The following TCF20 variants were observed in gnomAD, a reference collection of about 807,000 sequenced individuals.
TCF20 encodes the protein SPRE-binding protein.
A neutral mutation model predicts 148.6 loss-of-function variants in TCF20; 3 were observed. The ratio of observed to expected loss-of-function variants is 0.02; its 90% CI spans 0.01 to 0.05. The LOEUF (loss-of-function observed/expected upper bound fraction) is 0.05, where lower values mean the gene tolerates loss of function less well. Ranked by LOEUF, TCF20 falls within the 10% of genes least tolerant of loss-of-function variation. TCF20 has a pLI of 1.00. For synonymous variants in TCF20, 1,049 were observed against 909.5 expected (o/e 1.15, Z -2.76); for missense variants, 2,350 against 2,429.3 (o/e 0.97, Z 0.69).
At chr22:42,281,015 G>A (rs368241825) in intron 1 of TCF20, among the ~76,000 whole-genome samples, 6 of 152,184 alleles carry the variant, frequency 3.9e-5, no homozygotes, top group African/African-American at 9.6e-5. Flanking sequence ...TGCCATCTCC[G>A]TTGGGGATAG....
chr22:42,231,347 G>A (rs1056123946), intron 1 of TCF20, among the ~76,000 whole-genome samples: 1 of 152,060 alleles, frequency 6.6e-6, no homozygotes, highest in Admixed American at 6.6e-5. Flanking sequence ...AGCCAAGCAC[G>A]GTGGTATGCA....
At chr22:42,302,235 A>G (rs1927350066) in intron 1 of TCF20, among the ~76,000 whole-genome samples, 1 of 152,156 alleles carries the variant, frequency 6.6e-6, no homozygotes, top group African/African-American at 2.4e-5. Flanking sequence ...GGGCTCCCAC[A>G]ACAGTCAGGA....
rs531948678 is a variant in TCF20, at chr22:42,276,490, G to A, written c.-37+7337C>T. On this transcript the variant is annotated intron_variant, in intron 1 of 5. Transcript: ENST00000359486. Reference sequence around the variant, plus strand: ...TGCTGGCTCCCCACGGAGGCGTGGAGTCTTGTTTGCTGGGCATTTGACAGA... The same window carrying A: ...TGCTGGCTCCCCACGGAGGCGTGGAATCTTGTTTGCTGGGCATTTGACAGA... 3.9e-5 allele frequency: 6 copies of A among 152,326 alleles called. No individual in the cohort carries two copies. In the East Asian group the frequency reaches 1.2e-3, roughly 29 times the overall value. 9.4% of individuals were successfully genotyped at this position (152,326 alleles called of 1,614,324 possible). A position where few individuals can be genotyped will look rare whatever the true frequency, so the allele number is the denominator to read the frequency against.
chr22:42,224,066 A>T (rs1286897102), intron 1 of TCF20, among the ~76,000 whole-genome samples: 1 of 152,176 alleles, frequency 6.6e-6, no homozygotes, highest in Non-Finnish European at 1.5e-5. Flanking sequence ...ATCTAAAAAG[A>T]TTGCTTTCTG....
rs59845847 is a variant in TCF20 at position 42,199,706 on chromosome 22, C to CAAAAAAAAA, written c.5655+9936_5655+9944dup. 3.8e-4 allele frequency among the ~76,000 whole-genome samples: 13 copies of CAAAAAAAAA among 33,864 alleles called. 1 individual carries two copies. The highest frequency in any genetic ancestry group is 5.2e-4 in the Non-Finnish European group (9 of 17,446). The allele number at this position is 33,864 out of a possible 152,430, so 22.2% of individuals were successfully genotyped here. A position where few individuals can be genotyped will look rare whatever the true frequency, so the allele number is the denominator to read the frequency against. On this transcript the variant is annotated intron_variant, in intron 2 of 5. Transcript: ENST00000677622. ...CTAACATGGCAAAACCCCATCTCTA[C>CAAAAAAAAA]AAAAAAAAAAAAAAAAAAAAAAAAA...
chr22:42,175,268 T>G (rs1275532211), intron 3 of TCF20, among the ~76,000 whole-genome samples: 2 of 152,182 alleles, frequency 1.3e-5, no homozygotes, highest in East Asian at 3.8e-4. Flanking sequence ...TGGCCTCAAG[T>G]GATCCTCTAG....
intron 1 of TCF20, among the ~76,000 whole-genome samples, chr22:42,221,739 G>GTTTTTTTTTTTTTTTTTTTTTTT (rs59283483): frequency 2.2e-5 from 2 of 92,806 alleles, no homozygotes. Context: ...ATGGCAAAGG[G>GTTTTTTTTTTTTTTTTTTTTTTT]TTTTTTTTTT....
rs1372473556 is a variant in TCF20 at position 42,213,868 on chromosome 22, T to C, written c.1438A>G (p.Thr480Ala). The C allele has an allele frequency of 6.2e-7, 1 of 1,613,942 alleles. No homozygotes were observed. The highest frequency in any genetic ancestry group is 1.7e-5 in the Admixed American group (1 of 59,998). Reference protein sequence around the residue: ...VQHMLLSDALTPQKKTSKRPS... With the variant: ...VQHMLLSDALAPQKKTSKRPS... The stretch of plus-strand genomic sequence containing the variant: ...CTCTTGGAGGTCTTCTTCTGAGGAG[T>C]CAGGGCATCAGAAAGTAACATGTGC... Residue 480 changes from threonine (T) to alanine (A), a missense_variant, in exon 2 of 6, where the codon ACT (threonine) becomes GCT (alanine). Thr to Ala is a moderately conservative substitution (Grantham distance 58, BLOSUM62 0). This residue lies in a region of TCF20 where 1,641 missense variants were observed against 1,662.6 expected (regional missense o/e 0.99). Coordinates refer to ENST00000677622, the MANE Select transcript of TCF20 (RefSeq NM_001378418.1).
chr22:42,168,633 C>T lies in TCF20; in HGVS notation c.*20G>A. ...CCTGTGCTTGCTGTCCTTTCCATTC[C>T]CACGAGCACACTGCCCCCCTCACCC... On this transcript the variant is annotated 3_prime_UTR_variant, in exon 5 of 6. Transcript: ENST00000677622. 1.9e-6 allele frequency: 3 copies of T among 1,590,404 alleles called. No individual in the cohort carries two copies. Among genetic ancestry groups the T allele is most frequent in the Non-Finnish European group, 2.6e-6 (3 of 1,168,320 alleles).
intron 3 of TCF20, among the ~76,000 whole-genome samples, chr22:42,177,403 G>A (rs530212888): frequency 3.3e-4 from 50 of 152,256 alleles, no homozygotes; most frequent in South Asian, 6.2e-4. Context: ...CGATAAGAGC[G>A]AAACTTCGTC....
intron 2 of TCF20, among the ~76,000 whole-genome samples, chr22:42,203,845 G>T (rs1166059057): frequency 6.6e-6 from 1 of 152,164 alleles, no homozygotes; most frequent in African/African-American, 2.4e-5. Flanking sequence ...ATCAGGTAGG[G>T]GTGGGGGTGA....
intron 1 of TCF20, among the ~76,000 whole-genome samples, chr22:42,291,734 G>A (rs756137718): frequency 1.3e-5 from 2 of 152,030 alleles, no homozygotes; most frequent in African/African-American, 2.4e-5. Context: ...GCCTAGCCCA[G>A]GCTGGGCAAA....
chr22:42,285,619 T>TTTTTA (rs899663684), upstream of TCF20, among the ~76,000 whole-genome samples: 1 of 152,124 alleles, frequency 6.6e-6, no homozygotes. This position sits in a 1 kb window ranked among gnomAD's most constrained non-coding sequence, Gnocchi z 4.2. Flanking sequence ...TTGGTTTTTA[T>TTTTTA]TTTTATTTTA....
intron 3 of TCF20, among the ~76,000 whole-genome samples, chr22:42,173,701 A>T (rs913807033): frequency 6.6e-6 from 1 of 152,230 alleles, no homozygotes; most frequent in Non-Finnish European, 1.5e-5. Flanking sequence ...CCATCCCCAC[A>T]GAGCAGTGCA....
upstream of TCF20, among the ~76,000 whole-genome samples, chr22:42,288,701 T>C (rs1927076726): frequency 7.3e-6 from 1 of 137,810 alleles, no homozygotes; most frequent in African/African-American, 2.8e-5. Context: ...GGCTGTATTT[T>C]TGAGACCCTG....
chr22:42,212,063 A>T lies in TCF20; in HGVS notation c.3243T>A (p.Ser1081=), dbSNP rs748824850. 1 of 1,614,144 alleles carries T rather than the reference A, an allele frequency of 6.2e-7. No individual in the cohort carries two copies. The highest frequency in any genetic ancestry group is 8.5e-7 in the Non-Finnish European group (1 of 1,180,036). The stretch of plus-strand genomic sequence containing the variant: ...ACATCTGTCTCTTATAATGCAGCTG[A>T]GAATTCAAACCTGCGTTAGGGTCCC... ...AYGDPNAGLN[S]QLHYKRQMYQ... Residue 1081 remains serine (S), a synonymous_variant, in exon 2 of 6, where the codon TCT becomes TCA. Coordinates refer to ENST00000677622, the MANE Select transcript of TCF20 (RefSeq NM_001378418.1).
At chr22:42,209,039 C>T (rs1601588983) in intron 2 of TCF20, among the ~76,000 whole-genome samples, 1 of 152,154 alleles carries the variant, frequency 6.6e-6, no homozygotes, top group Non-Finnish European at 1.5e-5. Context: ...GCACTGGAAG[C>T]TAGTGGACAA....
At chr22:42,256,193 T>C (rs1168696535) in intron 1 of TCF20, among the ~76,000 whole-genome samples, 2 of 152,208 alleles carry the variant, frequency 1.3e-5, no homozygotes, top group Non-Finnish European at 2.9e-5. Context: ...TACACCACTA[T>C]TACAGCCTTA....
chr22:42,164,360 G>T (rs1050102147), intron 5 of TCF20, among the ~76,000 whole-genome samples: 1 of 151,774 alleles, frequency 6.6e-6, no homozygotes, highest in Non-Finnish European at 1.5e-5. Context: ...GACTACAGGC[G>T]CCCACCACCA....
Sources: gnomAD v4.1 joint callset for allele counts (sites outside exome capture counted in the v4.1 genomes callset) on GRCh38, gnomAD v4.1.1 for gene constraint, gnomAD v4.1.1 regional missense constraint, Gnocchi (gnomAD v3.1) non-coding constraint, MANE v1.5 for transcripts, NCBI Gene and HGNC (gene_info 2026-07-23, HGNC 2026-07-21) for gene names.